MARCHF1: variants seen among roughly 807,000 people sequenced by gnomAD.
The protein encoded by MARCHF1 is membrane associated ring-CH-type finger 1, also known as E3 ubiquitin-protein ligase MARCHF1.
MARCHF1 carries 40 observed loss-of-function variants against 54.2 expected under a neutral mutation model. The observed-to-expected ratio is 0.74, with a 90% CI of 0.57 to 0.96. MARCHF1 has a LOEUF of 0.96. Ranked by LOEUF, MARCHF1 falls within the 40% of genes least tolerant of loss-of-function variation. MARCHF1 has a pLI of 0.00. For missense variants in MARCHF1, 586 were observed against 656.5 expected, an observed-to-expected ratio of 0.89 and a Z score of 1.17; for synonymous variants, 236 against 236.3, an observed-to-expected ratio of 1.00 and a Z score of 0.01.
chr4:164,197,671 C>A (rs1318343011), intron 1 of MARCHF1: 2 of 1,612,552 alleles, frequency 1.2e-6, no homozygotes, highest in Non-Finnish European at 1.7e-6. Context: ...AGAGGGCGCC[C>A]TGTTCCGCAG....
At chr4:164,241,984 C>T (rs968420167) in intron 1 of MARCHF1, among the ~76,000 whole-genome samples, 9 of 152,316 alleles carry the variant, frequency 5.9e-5, no homozygotes, top group East Asian at 3.9e-4. Context: ...CCTATGCCCA[C>T]GGAGACTCAC....
intron 1 of MARCHF1, among the ~76,000 whole-genome samples, chr4:164,164,393 A>C (rs2110952331): frequency 6.6e-6 from 1 of 152,106 alleles, no homozygotes; most frequent in Non-Finnish European, 1.5e-5. Context: ...ATCAGGAATG[A>C]CAAAATGGCA....
chr4:164,365,543 T>C (rs927579283), intron 1 of MARCHF1, among the ~76,000 whole-genome samples: 1 of 152,078 alleles, frequency 6.6e-6, no homozygotes, highest in African/African-American at 2.4e-5. Context: ...AAATAAATGA[T>C]AATTATAATA....
At chr4:164,035,240 C>G (rs1017248519) in intron 2 of MARCHF1, among the ~76,000 whole-genome samples, 1 of 151,878 alleles carries the variant, frequency 6.6e-6, no homozygotes, top group Non-Finnish European at 1.5e-5. Flanking sequence ...CAATGTTATT[C>G]TAAATGTCTT....
At chr4:163,716,257 TATG>T (rs1745253487) in intron 4 of MARCHF1, among the ~76,000 whole-genome samples, 1 of 152,208 alleles carries the variant, frequency 6.6e-6, no homozygotes, top group South Asian at 2.1e-4. Context: ...ATTCAATATG[TATG>T]ATAATTTGGA....
intron 2 of MARCHF1, among the ~76,000 whole-genome samples, chr4:164,075,982 C>A (rs1386258733): frequency 1.3e-5 from 2 of 152,112 alleles, no homozygotes; most frequent in Non-Finnish European, 2.9e-5. Flanking sequence ...AACAGGATGA[C>A]TGAACTTGTA....
intron 4 of MARCHF1, among the ~76,000 whole-genome samples, chr4:163,723,912 G>C (rs919230445): frequency 3.9e-5 from 6 of 152,130 alleles, no homozygotes. Flanking sequence ...GGTTATTTTA[G>C]TTAGCCATTC....
chr4:163,943,245 G>A (rs553480084), intron 3 of MARCHF1, among the ~76,000 whole-genome samples: 15 of 152,214 alleles, frequency 9.9e-5, no homozygotes, highest in East Asian at 3.9e-4. Context: ...TGGTGTCTTC[G>A]TCATGAAAGC....
At chr4:163,810,875 A>G (rs1748365311) in intron 4 of MARCHF1, among the ~76,000 whole-genome samples, 2 of 152,164 alleles carry the variant, frequency 1.3e-5, no homozygotes, top group South Asian at 4.1e-4. Flanking sequence ...AAGCAGACTA[A>G]TCATTAAATC....
chr4:164,351,034 C>T (rs561530104), intron 1 of MARCHF1, among the ~76,000 whole-genome samples: 2 of 152,040 alleles, frequency 1.3e-5, no homozygotes, highest in South Asian at 2.1e-4. Context: ...TACTCCCACC[C>T]GAATACTGCG....
intron 5 of MARCHF1, chr4:163,613,625 C>A: frequency 1.4e-6 from 2 of 1,420,758 alleles, no homozygotes; most frequent in Non-Finnish European, 1.8e-6. Flanking sequence ...ACTTCATTTA[C>A]GAGAGAGGAA....
At chr4:164,313,771 A>C (rs1157878037) in intron 1 of MARCHF1, among the ~76,000 whole-genome samples, 1 of 152,186 alleles carries the variant, frequency 6.6e-6, no homozygotes, top group Non-Finnish European at 1.5e-5. Flanking sequence ...AAATCTACCC[A>C]GTCACCCAAA....
At chr4:163,669,860 A>C (rs1743670551) in intron 5 of MARCHF1, among the ~76,000 whole-genome samples, 1 of 152,074 alleles carries the variant, frequency 6.6e-6, no homozygotes, top group Non-Finnish European at 1.5e-5. Flanking sequence ...GGCCTCCCAA[A>C]GTGCTGACAT....
chr4:164,196,890 CA>C, intron 1 of MARCHF1: 6 of 1,290,024 alleles, frequency 4.7e-6, no homozygotes, highest in South Asian at 1.3e-5. Context: ...AAGTAAGTTT[CA>C]GGGGGCAGGA....
intron 1 of MARCHF1, among the ~76,000 whole-genome samples, chr4:164,182,711 A>C (rs372369676): frequency 6.6e-6 from 1 of 151,984 alleles, no homozygotes; most frequent in Non-Finnish European, 1.5e-5. Context: ...AAAAAAGAAG[A>C]AGCTTCCCAA....
At chr4:163,559,100 C>T (rs1739387301) in intron 8 of MARCHF1, among the ~76,000 whole-genome samples, 1 of 152,108 alleles carries the variant, frequency 6.6e-6, no homozygotes, top group Non-Finnish European at 1.5e-5. Flanking sequence ...AGCCCCCTTC[C>T]CTTCAGCATT....
chr4:164,175,186 C>T lies in MARCHF1; in HGVS notation c.-322-63524G>A, dbSNP rs1730631104. Among the ~76,000 whole-genome samples, 3 of 152,218 alleles carry T rather than the reference C, an allele frequency of 2.0e-5. No homozygotes were observed. The South Asian group carries it at 6.2e-4, about 32-fold the overall frequency. On this transcript the variant is annotated intron_variant, in intron 1 of 9. Transcript: ENST00000514618. ...CAAATGAAATAACAAATGTGGATTA[C>T]TTGATATAATGGCTAGTAATTAATT...
chr4:164,226,216 A>C (rs554075675), intron 1 of MARCHF1, among the ~76,000 whole-genome samples: 1 of 152,228 alleles, frequency 6.6e-6, no homozygotes, highest in African/African-American at 2.4e-5. Context: ...CAAACAGACT[A>C]ATTAATTACT....
At chr4:163,864,122 A>G (rs928676442) in intron 3 of MARCHF1, among the ~76,000 whole-genome samples, 1 of 152,044 alleles carries the variant, frequency 6.6e-6, no homozygotes, top group Non-Finnish European at 1.5e-5. Flanking sequence ...AACCTCCCAC[A>G]CCATTGTGAA....
Sources: gnomAD v4.1 joint callset for allele counts (sites outside exome capture counted in the v4.1 genomes callset) on GRCh38, gnomAD v4.1.1 for gene constraint, MANE v1.5 for transcripts, NCBI Gene and HGNC (gene_info 2026-07-23, HGNC 2026-07-21) for gene names.